The following DNAH14 variants were observed in gnomAD, a reference collection of about 807,000 sequenced individuals.
DNAH14 encodes the protein axonemal beta dynein heavy chain 14.
In DNAH14, 478 loss-of-function variants were observed where a neutral mutation model predicts 520.9. That is an observed-to-expected ratio of 0.92 (90% CI 0.85 to 0.99). The LOEUF is 0.99. Among genes scored for constraint, DNAH14 ranks in the 50% least tolerant of loss-of-function variants. The pLI is 0.00. For missense variants in DNAH14, 4,831 were observed against 5,234.5 expected (o/e 0.92, Z 2.38); for synonymous variants, 1,581 against 1,757.2 (o/e 0.90, Z 2.51).
At chr1:225,340,379 T>G in intron 68 of DNAH14, 78 bp from the exon 69 acceptor site, 1 of 1,410,490 alleles carries the variant, frequency 7.1e-7, no homozygotes, top group South Asian at 1.5e-5. Context: ...GAAAAATGCT[T>G]TATGTATTTT....
In DNAH14 at chr1:225,117,798, T is replaced by C. The variant is rs753584733; in HGVS notation, c.3972+10T>C. The C allele has an allele frequency of 1.9e-6, 3 of 1,538,800 alleles. No homozygotes were observed. In the South Asian group the frequency reaches 3.6e-5, roughly 18 times the overall value. On this transcript the variant is annotated intron_variant, in intron 24 of 85. Coordinates refer to ENST00000682510, the MANE Select transcript of DNAH14 (RefSeq NM_001367479.1). ...TCCTGAGTCTGTACAGGTAATAACA[T>C]CTTTCTCTGCTCAGCAATATTATAT...
At chr1:225,152,954 G>T in intron 33 of DNAH14, 71 bp downstream of exon 33, 1 of 1,477,168 alleles carries the variant, frequency 6.8e-7, no homozygotes, top group South Asian at 1.3e-5. Flanking sequence ...TACTTTTCTG[G>T]ATTGGTCCAG....
chr1:225,280,506 G>A (rs1425529372), intron 54 of DNAH14, among the ~76,000 whole-genome samples: 2 of 152,066 alleles, frequency 1.3e-5, no homozygotes, highest in African/African-American at 2.4e-5. Context: ...GGCTGAGGCA[G>A]GAGAATGATG....
intron 7 of DNAH14, 61 bp from the exon 8 acceptor site, chr1:224,974,030 T>C (rs2061657440): frequency 8.6e-7 from 1 of 1,158,160 alleles, no homozygotes; most frequent in Non-Finnish European, 1.2e-6. Flanking sequence ...TTTTACTAAA[T>C]TTATTCCATA....
chr1:225,207,124 C>T lies in DNAH14; in HGVS notation c.6343C>T (p.Pro2115Ser). The T allele has an allele frequency of 6.4e-7, 1 of 1,551,012 alleles. No homozygotes were observed. The highest frequency in any genetic ancestry group is 8.7e-7 in the Non-Finnish European group (1 of 1,146,616). ...TATAAGGAATCGTCAGAAATTTCAG[C>T]CATATCCTATGGAGGACATAACAGT... is the stretch of plus-strand genomic sequence containing the variant. ...QFIRNRQKFQ[P>S]YPMEDITVVI... is the part of the protein sequence containing the mutation. The change falls in exon 41 of 86, where the codon CCA becomes TCA. Residue 2115 changes from proline (P) to serine (S), a missense_variant. By Grantham distance (74) the Pro-to-Ser change is moderately conservative. Coordinates refer to ENST00000682510, the MANE Select transcript of DNAH14 (RefSeq NM_001367479.1).
chr1:224,995,757 C>G (rs1268945194), intron 8 of DNAH14, among the ~76,000 whole-genome samples: 2 of 151,838 alleles, frequency 1.3e-5, no homozygotes, highest in African/African-American at 4.8e-5. Context: ...GCTTTTCTGA[C>G]TGGATAATTT....
At chr1:225,381,322 C>T in intron 80 of DNAH14, 61 bp from the exon 81 acceptor site, 2 of 1,465,142 alleles carry the variant, frequency 1.4e-6, no homozygotes, top group African/African-American at 1.4e-5. Flanking sequence ...CTAAGTCCCT[C>T]CATGTAAAGC....
chr1:225,308,517 C>A, intron 60 of DNAH14, 107 bp downstream of exon 60: 1 of 1,083,822 alleles, frequency 9.2e-7, no homozygotes, highest in Non-Finnish European at 1.3e-6. Context: ...CATAGTGCCC[C>A]AACTATGGTT....
intron 8 of DNAH14, among the ~76,000 whole-genome samples, chr1:224,980,998 A>G (rs978276098): frequency 2.0e-5 from 3 of 152,266 alleles, no homozygotes; most frequent in African/African-American, 7.2e-5. Context: ...ATTAAAAAAT[A>G]AAATAAATAG....
At chr1:225,388,546 G>T (rs2095867612) in intron 82 of DNAH14, 55 bp downstream of exon 82, 5 of 1,021,754 alleles carry the variant, frequency 4.9e-6, no homozygotes, top group Non-Finnish European at 7.3e-6. Flanking sequence ...AAGCCCAAAG[G>T]TTTATGACAT....
rs754046105 is a variant in DNAH14 at position 225,335,165 on chromosome 1, GCATGTGTA to G, written c.10080+1666_10080+1673del. Among the ~76,000 whole-genome samples, 824 of 148,066 alleles carry G rather than the reference GCATGTGTA, an allele frequency of 5.6e-3. 6 individuals are homozygous for G. The highest frequency in any genetic ancestry group is 0.018 in the African/African-American group (732 of 40,462). ...CACATGTGTACATGTGTGCATGTGT[GCATGTGTA>G]CATGTGCGCATGTGTGTATATATGC... On this transcript the variant is annotated intron_variant, in intron 66 of 85. Coordinates refer to ENST00000682510, the MANE Select transcript of DNAH14 (RefSeq NM_001367479.1).
chr1:225,128,908 C>G (rs2148934945), intron 27 of DNAH14, among the ~76,000 whole-genome samples: 1 of 151,084 alleles, frequency 6.6e-6, no homozygotes, highest in East Asian at 2.0e-4. Context: ...GATTGTATAT[C>G]TAGAAAACCC....
At position 225,168,001 on chromosome 1, in the gene DNAH14, G is replaced by A; in HGVS notation, c.5508G>A (p.Lys1836=). ...AAAACTGGTCATCTCAGAAAGAGAA[G>A]ATTATACAGTTTTATAATCAACTTC... ...GLQNWSSQKE[K]IIQFYNQLQV... is the part of the protein sequence containing the mutation. The change falls in exon 36 of 86, where the codon AAG becomes AAA. Residue 1836 remains lysine, a synonymous_variant. Transcript: ENST00000682510. 2.0e-6 allele frequency: 3 copies of A among 1,538,194 alleles called. No homozygotes were observed. The highest frequency in any genetic ancestry group is 1.7e-4 in the Middle Eastern group (1 of 5,940).
At chr1:225,385,039 T>C (rs938295782) in intron 81 of DNAH14, among the ~76,000 whole-genome samples, 3 of 152,192 alleles carry the variant, frequency 2.0e-5, no homozygotes, top group Non-Finnish European at 2.9e-5. Flanking sequence ...TATGATCAAG[T>C]TGGCTTCCTC....
intron 1 of DNAH14, among the ~76,000 whole-genome samples, chr1:224,945,808 A>G (rs1225219029): frequency 6.6e-6 from 1 of 152,300 alleles, no homozygotes; most frequent in Non-Finnish European, 1.5e-5. Context: ...AACAGCGGAT[A>G]TTGGTGAACA....
chr1:225,055,068 A>G (rs2068901876), intron 17 of DNAH14, among the ~76,000 whole-genome samples: 2 of 148,012 alleles, frequency 1.4e-5, no homozygotes, highest in Admixed American at 1.4e-4. Flanking sequence ...TACTGTGTTC[A>G]TTTTGGGAGT....
intron 10 of DNAH14, among the ~76,000 whole-genome samples, chr1:225,014,958 T>A (rs537773769): frequency 4.6e-4 from 70 of 152,320 alleles, no homozygotes; most frequent in Admixed American, 1.1e-3. Context: ...CAATATTTGC[T>A]TTATATATCT....
chr1:225,168,544 C>A (rs2082270991), intron 36 of DNAH14, among the ~76,000 whole-genome samples: 1 of 152,226 alleles, frequency 6.6e-6, no homozygotes, highest in African/African-American at 2.4e-5. Flanking sequence ...CACGGAGCCT[C>A]ACTCATGGCT....
At chr1:225,301,977 T>A (rs2094147395) in intron 56 of DNAH14, among the ~76,000 whole-genome samples, 1 of 151,644 alleles carries the variant, frequency 6.6e-6, no homozygotes, top group Non-Finnish European at 1.5e-5. Context: ...GTTTATTCAT[T>A]AGATTTGAAT....
Sources: gnomAD v4.1 joint callset for allele counts (sites outside exome capture counted in the v4.1 genomes callset) on GRCh38, gnomAD v4.1.1 for gene constraint, MANE v1.5 for transcripts, NCBI Gene and HGNC (gene_info 2026-07-23, HGNC 2026-07-21) for gene names.